The following NLGN1 variants were observed in gnomAD, a reference collection of about 807,000 sequenced individuals.
The protein encoded by NLGN1 is neuroligin-1.
A neutral mutation model predicts 65.5 loss-of-function variants in NLGN1; 12 were observed. The observed-to-expected ratio is 0.18, with a 90% CI of 0.12 to 0.30. NLGN1 has a LOEUF of 0.30. NLGN1 is among the 10% of genes least tolerant of loss of function. NLGN1 has a pLI of 1.00. For synonymous variants in NLGN1, 350 were observed against 359.5 expected (o/e 0.97, Z 0.30); for missense variants, 750 against 1,007.1 (o/e 0.74, Z 3.46).
chr3:174,014,586 A>G (rs1359238643), intron 4 of NLGN1, among the ~76,000 whole-genome samples: 1 of 152,154 alleles, frequency 6.6e-6, no homozygotes, highest in Admixed American at 6.5e-5. Context: ...CTTTGCATGT[A>G]TCTCATTCAT....
chr3:173,724,307 G>A (rs896825712), intron 3 of NLGN1, among the ~76,000 whole-genome samples: 5 of 152,076 alleles, frequency 3.3e-5, no homozygotes, highest in Non-Finnish European at 5.9e-5. Flanking sequence ...ACGGAGTCTC[G>A]CTCTGTTGCC....
chr3:173,521,593 A>G (rs1459100176), intron 2 of NLGN1, among the ~76,000 whole-genome samples: 1 of 152,184 alleles, frequency 6.6e-6, no homozygotes, highest in Non-Finnish European at 1.5e-5. Flanking sequence ...TGATCCTCCT[A>G]GTTATATCTG....
At chr3:174,291,402 A>G (rs931221242), downstream of NLGN1, among the ~76,000 whole-genome samples, 1 of 151,224 alleles carries the variant, frequency 6.6e-6, no homozygotes, top group Non-Finnish European at 1.5e-5. Flanking sequence ...CACTGAATAT[A>G]TGAAATAACT....
intron 4 of NLGN1, 83 bp from the exon 5 acceptor site, chr3:174,275,232 T>TA: frequency 1.0e-6 from 1 of 998,394 alleles, no homozygotes. Context: ...CCTTGATTAA[T>TA]ACAGGCTTCA....
intron 4 of NLGN1, among the ~76,000 whole-genome samples, chr3:173,894,791 C>T (rs994131459): frequency 7.9e-5 from 12 of 151,940 alleles, no homozygotes; most frequent in East Asian, 3.9e-4. Flanking sequence ...GTGTGGGCCA[C>T]CACGCCTGGC....
intron 2 of NLGN1, among the ~76,000 whole-genome samples, chr3:173,497,688 T>C (rs978618824): frequency 6.6e-6 from 1 of 151,736 alleles, no homozygotes; most frequent in Non-Finnish European, 1.5e-5. Context: ...AGTCAAAACT[T>C]CTGATGATTC....
intron 4 of NLGN1, among the ~76,000 whole-genome samples, chr3:173,842,039 A>C (rs2004185): frequency 6.6e-6 from 1 of 152,124 alleles, no homozygotes; most frequent in East Asian, 1.9e-4. Flanking sequence ...ACAGTTCCAC[A>C]TGGCTGGGGA....
intron 2 of NLGN1, among the ~76,000 whole-genome samples, chr3:173,503,101 CGT>C (rs771513564): frequency 1.3e-4 from 19 of 150,466 alleles, no homozygotes; most frequent in Non-Finnish European, 2.4e-4. Flanking sequence ...TGTGTGTGTG[CGT>C]GTGAGTGTAT....
At chr3:173,621,175 C>T (rs1333174312) in intron 3 of NLGN1, among the ~76,000 whole-genome samples, 1 of 152,026 alleles carries the variant, frequency 6.6e-6, no homozygotes, top group Non-Finnish European at 1.5e-5. Context: ...ATGTACACTA[C>T]AAGACTAGAG....
At chr3:173,479,303 G>A (rs1726835147) in intron 2 of NLGN1, among the ~76,000 whole-genome samples, 2 of 152,098 alleles carry the variant, frequency 1.3e-5, no homozygotes, top group South Asian at 4.1e-4. Flanking sequence ...AAATAAAAGA[G>A]TGAGGAAGAG....
intron 4 of NLGN1, among the ~76,000 whole-genome samples, chr3:174,184,983 A>T (rs969846290): frequency 1.3e-5 from 2 of 152,112 alleles, no homozygotes; most frequent in African/African-American, 2.4e-5. Context: ...AAGGGCAGGA[A>T]TAATAATGCA....
chr3:174,208,610 C>T (rs954463364), intron 4 of NLGN1, among the ~76,000 whole-genome samples: 5 of 150,742 alleles, frequency 3.3e-5, no homozygotes, highest in African/African-American at 1.2e-4. Context: ...TGACAGCCTA[C>T]TTATATGTTG....
intron 4 of NLGN1, among the ~76,000 whole-genome samples, chr3:173,917,248 A>G (rs896961482): frequency 6.6e-6 from 1 of 152,220 alleles, no homozygotes; most frequent in Non-Finnish European, 1.5e-5. Context: ...CAAAGAGACA[A>G]TAATCTCTTG....
Position 174,277,591 on chromosome 3 carries a change from A to T in NLGN1, c.860-1270A>T, listed in dbSNP as rs984365402. Among the ~76,000 whole-genome samples the T allele has an allele frequency of 5.3e-5, 8 of 151,956 alleles. No individual in the cohort carries two copies. In the East Asian group the frequency reaches 1.4e-3, roughly 26 times the overall value. On this transcript the variant is annotated intron_variant, in intron 5 of 6. Coordinates refer to ENST00000457714, the Ensembl canonical transcript of NLGN1. Reference sequence around the variant, plus strand: ...AAACAGCTACATAATTTTAAAAATTATCTGTATTTGTATCATTTGCTCTAG... The same window carrying T: ...AAACAGCTACATAATTTTAAAAATTTTCTGTATTTGTATCATTTGCTCTAG...
intron 4 of NLGN1, among the ~76,000 whole-genome samples, chr3:173,857,331 C>T (rs2150776306): frequency 6.6e-6 from 1 of 152,246 alleles, no homozygotes; most frequent in Admixed American, 6.5e-5. Context: ...AAAGACTAGA[C>T]TACCTGAAAT....
chr3:173,679,216 G>C (rs1763595610), intron 3 of NLGN1, among the ~76,000 whole-genome samples: 2 of 151,010 alleles, frequency 1.3e-5, no homozygotes, highest in South Asian at 4.2e-4. Context: ...TGAGATTTTT[G>C]ATAAAAGAAA....
At chr3:173,544,249 G>T (rs1260757584) in intron 2 of NLGN1, among the ~76,000 whole-genome samples, 1 of 124,494 alleles carries the variant, frequency 8.0e-6, no homozygotes, top group South Asian at 2.8e-4. Context: ...AAAGTACCAA[G>T]ATTATATTAC....
chr3:173,782,874 A>G (rs1311511161), intron 3 of NLGN1, among the ~76,000 whole-genome samples: 1 of 152,054 alleles, frequency 6.6e-6, no homozygotes, highest in Non-Finnish European at 1.5e-5. Context: ...ATCTGAAATC[A>G]CTCAGCAGGT....
At chr3:173,898,938 A>G (rs1247677533) in intron 4 of NLGN1, among the ~76,000 whole-genome samples, 1 of 152,178 alleles carries the variant, frequency 6.6e-6, no homozygotes, top group Non-Finnish European at 1.5e-5. Flanking sequence ...CACCAAAACA[A>G]TAGCAATAAT....
Sources: gnomAD v4.1 joint callset for allele counts (sites outside exome capture counted in the v4.1 genomes callset) on GRCh38, gnomAD v4.1.1 for gene constraint, MANE v1.5 for transcripts, NCBI Gene and HGNC (gene_info 2026-07-23, HGNC 2026-07-21) for gene names.